ROR2: variants seen among roughly 807,000 people sequenced by gnomAD.
ROR2 encodes the protein tyrosine-protein kinase transmembrane receptor ROR2.
In ROR2, 33 loss-of-function variants were observed where a neutral mutation model predicts 74.9. That is an observed-to-expected ratio of 0.44 (90% CI 0.33 to 0.59). The LOEUF (loss-of-function observed/expected upper bound fraction) is 0.59. ROR2 is among the 20% of genes least tolerant of loss of function. The probability of loss-of-function intolerance (pLI) is 0.02; values close to 1 mark genes in which losing one functional copy is unlikely to be tolerated. For synonymous variants in ROR2, 586 were observed against 558.7 expected (o/e 1.05, Z -0.69); for missense variants, 1,216 against 1,313.8 (o/e 0.93, Z 1.15).
At chr9:91,890,610 T>C (rs1830400027) in intron 1 of ROR2, among the ~76,000 whole-genome samples, 1 of 152,236 alleles carries the variant, frequency 6.6e-6, no homozygotes, top group East Asian at 1.9e-4. Flanking sequence ...TGTGGCCACC[T>C]TGCTCTCCTT....
intron 1 of ROR2, among the ~76,000 whole-genome samples, chr9:91,836,245 T>C (rs1187757820): frequency 6.6e-6 from 1 of 152,130 alleles, no homozygotes; most frequent in Non-Finnish European, 1.5e-5. Context: ...GTACCAATTA[T>C]TAATCCAGTC....
chr9:91,915,946 G>A (rs532660183), intron 1 of ROR2, among the ~76,000 whole-genome samples: 29 of 152,198 alleles, frequency 1.9e-4, no homozygotes, highest in Non-Finnish European at 2.6e-4. Flanking sequence ...CTCTCAAAAT[G>A]AGGGGCAGGC....
chr9:91,858,210 C>T (rs1829356775), intron 1 of ROR2, among the ~76,000 whole-genome samples: 3 of 147,978 alleles, frequency 2.0e-5, no homozygotes, highest in African/African-American at 8.0e-5. Flanking sequence ...ACACCGAGGG[C>T]TAACTGAGGT....
At chr9:91,780,958 A>T (rs1302318570) in intron 1 of ROR2, among the ~76,000 whole-genome samples, 15 of 152,180 alleles carry the variant, frequency 9.9e-5, no homozygotes, top group Admixed American at 7.9e-4. Context: ...CCATGGTGCT[A>T]TTCTGGTTTT....
chr9:91,864,840 CAT>C (rs1459163414), intron 1 of ROR2, among the ~76,000 whole-genome samples: 37 of 152,200 alleles, frequency 2.4e-4, no homozygotes, highest in Admixed American at 2.4e-3. Flanking sequence ...CCAACTGTAG[CAT>C]ATGTTTTATT....
At chr9:91,908,826 A>G (rs1007225243) in intron 1 of ROR2, among the ~76,000 whole-genome samples, 1 of 152,180 alleles carries the variant, frequency 6.6e-6, no homozygotes, top group Non-Finnish European at 1.5e-5. Flanking sequence ...AAAGTGACTC[A>G]AATTCCTTAA....
In ROR2 at chr9:91,845,500, C is replaced by T. The variant is rs1404711021; in HGVS notation, c.98-69682G>A. Among the ~76,000 whole-genome samples, 4 of 152,122 alleles carry T rather than the reference C, an allele frequency of 2.6e-5. No individual in the cohort carries two copies. The East Asian group carries it at 7.7e-4, about 29-fold the overall frequency. Reference sequence around the variant, plus strand: ...GTTCCCAGTCAGCACCTTTCAGAAGCCAACCCCCACCCTCATGCACACCCA... The same window carrying T: ...GTTCCCAGTCAGCACCTTTCAGAAGTCAACCCCCACCCTCATGCACACCCA... On this transcript the variant is annotated intron_variant, in intron 1 of 8. Coordinates refer to ENST00000375708, the MANE Select transcript of ROR2 (RefSeq NM_004560.4).
At chr9:91,900,313 G>A (rs1250182015) in intron 1 of ROR2, among the ~76,000 whole-genome samples, 3 of 152,000 alleles carry the variant, frequency 2.0e-5, no homozygotes, top group Non-Finnish European at 2.9e-5. Flanking sequence ...AAGGGCAGAC[G>A]GCAGACGCAA....
chr9:91,735,575 C>A (rs1461558613), intron 5 of ROR2, among the ~76,000 whole-genome samples: 1 of 145,362 alleles, frequency 6.9e-6, no homozygotes, highest in Non-Finnish European at 1.5e-5. Context: ...TAGAGGATGT[C>A]AGAATGCACG....
chr9:91,925,680 A>C (rs551313560), intron 1 of ROR2, among the ~76,000 whole-genome samples: 1 of 152,356 alleles, frequency 6.6e-6, no homozygotes, highest in African/African-American at 2.4e-5. Context: ...GATAATCCAT[A>C]GGAACTCAAA....
At chr9:91,861,908 C>A (rs1014406119) in intron 1 of ROR2, among the ~76,000 whole-genome samples, 1 of 152,100 alleles carries the variant, frequency 6.6e-6, no homozygotes, top group African/African-American at 2.4e-5. Flanking sequence ...CCCCCCCACC[C>A]CAAATTCTTA....
In ROR2 at chr9:91,798,900, A is replaced by G. The variant is rs537730012; in HGVS notation, c.98-23082T>C. Among the ~76,000 whole-genome samples, 11 of 152,192 alleles carry G rather than the reference A, an allele frequency of 7.2e-5. No homozygotes were observed. The South Asian group carries it at 2.3e-3, about 32-fold the overall frequency. ...GGGATTGGAGAAGCAGGCGGGAGAG[A>G]TACACCACGCAGCAGAGACGCTCTG... On this transcript the variant is annotated intron_variant, in intron 1 of 8. Transcript: ENST00000375708.
At chr9:91,789,641 A>T (rs1272200001) in intron 1 of ROR2, among the ~76,000 whole-genome samples, 1 of 152,216 alleles carries the variant, frequency 6.6e-6, no homozygotes, top group Non-Finnish European at 1.5e-5. Flanking sequence ...ACTAGATTTT[A>T]AAAAATTTAA....
At chr9:91,903,713 G>A (rs776258196) in intron 1 of ROR2, among the ~76,000 whole-genome samples, 1 of 152,080 alleles carries the variant, frequency 6.6e-6, no homozygotes, top group Non-Finnish European at 1.5e-5. Context: ...GTGAGCATTC[G>A]ACAACTCTGT....
At chr9:91,871,007 A>G (rs1829779836) in intron 1 of ROR2, among the ~76,000 whole-genome samples, 2 of 152,336 alleles carry the variant, frequency 1.3e-5, no homozygotes, top group South Asian at 4.1e-4. Context: ...AGATCAAATT[A>G]CTCTTTAAAG....
Position 91,787,908 on chromosome 9 carries a change from G to C in ROR2, c.98-12090C>G, listed in dbSNP as rs575620512. On this transcript the variant is annotated intron_variant, in intron 1 of 8. Transcript: ENST00000375708. ...ACATGCTAACCAACTGAGCTAACCA[G>C]CCATACAACAAAGACTTTAAATAGG... is the stretch of plus-strand genomic sequence containing the variant. Among the ~76,000 whole-genome samples, 9 of 152,158 alleles carry C rather than the reference G, an allele frequency of 5.9e-5. No homozygotes were observed. The East Asian group carries it at 1.7e-3, about 29-fold the overall frequency.
chr9:91,912,793 A>C (rs988468799), intron 1 of ROR2, among the ~76,000 whole-genome samples: 1 of 152,206 alleles, frequency 6.6e-6, no homozygotes, highest in African/African-American at 2.4e-5. Context: ...TTTCATTTTT[A>C]GCTAATCTTA....
chr9:91,935,262 T>C (rs1831652607), intron 1 of ROR2, among the ~76,000 whole-genome samples: 1 of 152,254 alleles, frequency 6.6e-6, no homozygotes, highest in Non-Finnish European at 1.5e-5. Flanking sequence ...AGCAGCCAGC[T>C]GGCCAAGCAC....
intron 1 of ROR2, among the ~76,000 whole-genome samples, chr9:91,827,683 T>C (rs915828590): frequency 2.0e-5 from 3 of 152,200 alleles, no homozygotes; most frequent in African/African-American, 7.2e-5. Context: ...ATCAGTCCAA[T>C]GTACAGATCG....
Sources: allele counts gnomAD v4.1 joint callset (sites outside exome capture counted in the v4.1 genomes callset), GRCh38; gene constraint gnomAD v4.1.1; transcripts MANE v1.5; gene names NCBI Gene and HGNC (gene_info 2026-07-23, HGNC 2026-07-21).